The following DNAH3 variants were observed in gnomAD, a reference collection of about 807,000 sequenced individuals.
DNAH3 encodes axonemal beta dynein heavy chain 3.
DNAH3 carries 332 observed loss-of-function variants against 432.5 expected under a neutral mutation model. The observed-to-expected ratio is 0.77, with a 90% CI of 0.70 to 0.84. The LOEUF (loss-of-function observed/expected upper bound fraction) is 0.84. DNAH3 is among the 40% of genes least tolerant of loss of function. The pLI, the probability that DNAH3 is intolerant of heterozygous loss-of-function variation, is 0.00. For missense variants in DNAH3, 4,861 were observed against 5,114.0 expected (o/e 0.95, Z 1.51); for synonymous variants, 1,956 against 1,900.2 (o/e 1.03, Z -0.76).
chr16:21,090,247 A>G (rs1417509956), intron 18 of DNAH3, among the ~76,000 whole-genome samples: 1 of 152,020 alleles, frequency 6.6e-6, no homozygotes, highest in East Asian at 1.9e-4. Context: ...TCTGCCAAAC[A>G]TTAGAAGAAG....
chr16:20,952,679 G>A (rs1241963907), intron 55 of DNAH3, 130 bp from the exon 56 acceptor site: 11 of 637,744 alleles, frequency 1.7e-5, no homozygotes, highest in South Asian at 3.4e-5. Flanking sequence ...ATCAAGCACC[G>A]AGGCCAACTA....
chr16:21,074,551 T>C (rs1440021466), intron 21 of DNAH3, among the ~76,000 whole-genome samples: 3 of 151,898 alleles, frequency 2.0e-5, no homozygotes, highest in Non-Finnish European at 4.4e-5. Context: ...CCATCTCTAC[T>C]GAAAATATAA....
chr16:20,944,638 A>T, exon 58 of DNAH3: 1 of 1,613,960 alleles, frequency 6.2e-7, no homozygotes. Flanking sequence ...TGTGATGGGG[A>T]GATTCCTGAG....
intron 27 of DNAH3, among the ~76,000 whole-genome samples, chr16:21,055,057 C>T (rs577209771): frequency 4.8e-5 from 7 of 147,106 alleles, no homozygotes; most frequent in African/African-American, 1.5e-4. Context: ...GCTATAAAAA[C>T]AAAATGCAAC....
In DNAH3 at chr16:20,989,039, G is replaced by A. The variant is rs111611529; in HGVS notation, c.6602-974C>T. Among the ~76,000 whole-genome samples, 922 of 152,320 alleles carry A rather than the reference G, an allele frequency of 6.1e-3. 10 individuals carry two copies. Among genetic ancestry groups the A allele is most frequent in the African/African-American group, 0.021 (871 of 41,566 alleles). Reference sequence around the variant, plus strand: ...TAAAAGCAGTGTGGACCCACAGAGTGAGCACCAGTAAGATTTACTGCAAAG... The same window carrying A: ...TAAAAGCAGTGTGGACCCACAGAGTAAGCACCAGTAAGATTTACTGCAAAG... On this transcript the variant is annotated intron_variant, in intron 44 of 61. Transcript: ENST00000261383.
At chr16:21,081,809 CT>C in intron 19 of DNAH3, 82 bp from the exon 20 acceptor site, 1 of 1,183,012 alleles carries the variant, frequency 8.5e-7, no homozygotes, top group Non-Finnish European at 1.2e-6. Flanking sequence ...TGGAGATGTT[CT>C]TTTTATCTGC....
At chr16:21,031,471 T>C (rs776938415) in intron 36 of DNAH3, among the ~76,000 whole-genome samples, 185 bp from the exon 37 acceptor site, 5 of 152,008 alleles carry the variant, frequency 3.3e-5, no homozygotes, top group Non-Finnish European at 7.4e-5. Context: ...CTGTAGTAGC[T>C]CACACCCATA....
chr16:21,151,063 T>A (rs543561214), intron 1 of DNAH3, among the ~76,000 whole-genome samples: 1 of 152,232 alleles, frequency 6.6e-6, no homozygotes, highest in Admixed American at 6.5e-5. Flanking sequence ...TTTGGAGACG[T>A]CGAAAAGCAC....
exon 37 of DNAH3, chr16:21,031,124 C>G (rs141137569): frequency 2.5e-6 from 4 of 1,614,080 alleles, no homozygotes; most frequent in African/African-American, 1.3e-5. Flanking sequence ...AATCCACTTG[C>G]GATCATCAGA....
intron 19 of DNAH3, among the ~76,000 whole-genome samples, chr16:21,082,601 G>A (rs956015126): frequency 1.3e-5 from 2 of 151,928 alleles, no homozygotes; most frequent in African/African-American, 2.4e-5. Flanking sequence ...AGGCTGAGGC[G>A]GGCGGATCAC....
intron 12 of DNAH3, 54 bp downstream of exon 12, chr16:21,117,149 C>T: frequency 1.6e-6 from 2 of 1,264,162 alleles, no homozygotes; most frequent in Non-Finnish European, 2.3e-6. Flanking sequence ...GAGTTAAGAA[C>T]ACCAAATCAA....
intron 61 of DNAH3, among the ~76,000 whole-genome samples, chr16:20,934,149 G>C (rs2083505419): frequency 6.6e-6 from 1 of 152,104 alleles, no homozygotes; most frequent in African/African-American, 2.4e-5. Flanking sequence ...GAACCAGAGA[G>C]CACAAACTCC....
chr16:21,153,723 G>A (rs1421900652), intron 1 of DNAH3, among the ~76,000 whole-genome samples: 1 of 152,028 alleles, frequency 6.6e-6, no homozygotes, highest in South Asian at 2.1e-4. Flanking sequence ...AGCATCAGAA[G>A]GAACAAACTC....
At chr16:20,975,591 A>G (rs2085551091) in intron 50 of DNAH3, among the ~76,000 whole-genome samples, 176 bp from the exon 51 acceptor site, 1 of 152,230 alleles carries the variant, frequency 6.6e-6, no homozygotes, top group African/African-American at 2.4e-5. Flanking sequence ...TTTTCAACAC[A>G]GTTATTGAGT....
chr16:21,065,167 A>G (rs746092941), intron 24 of DNAH3, among the ~76,000 whole-genome samples: 1 of 152,020 alleles, frequency 6.6e-6, no homozygotes, highest in Non-Finnish European at 1.5e-5. Flanking sequence ...GCTATTATTC[A>G]TATTTTTTTT....
chr16:21,125,039 C>G (rs777223599), intron 9 of DNAH3, 136 bp downstream of exon 10: 1 of 616,800 alleles, frequency 1.6e-6, no homozygotes, highest in Non-Finnish European at 2.7e-6. Flanking sequence ...CTAACAACTG[C>G]CTGATGTGGG....
At chr16:21,132,870 G>T (rs1195261888) in intron 7 of DNAH3, among the ~76,000 whole-genome samples, 3 of 151,502 alleles carry the variant, frequency 2.0e-5, no homozygotes, top group Non-Finnish European at 2.9e-5. Context: ...CTTTCAAAGG[G>T]TGAATTTTAT....
chr16:21,116,177 T>C lies in DNAH3; in HGVS notation c.1814+1026A>G, dbSNP rs184176949. On this transcript the variant is annotated intron_variant, in intron 12 of 61. Transcript: ENST00000261383. ...GTCCCATGGTAATTGTTAACAACAC[T>C]CTTTTCACTCGTAAATTGTCTCACT... Among the ~76,000 whole-genome samples the C allele has an allele frequency of 2.2e-3, 338 of 152,274 alleles. 3 individuals carry two copies. Among genetic ancestry groups the C allele is most frequent in the African/African-American group, 8.0e-3 (333 of 41,544 alleles).
intron 21 of DNAH3, among the ~76,000 whole-genome samples, chr16:21,073,335 C>T (rs1597313201): frequency 1.3e-5 from 2 of 152,200 alleles, no homozygotes; most frequent in South Asian, 4.1e-4. Flanking sequence ...GTGAGCTGTT[C>T]CCCAGGTCTC....
Sources: gnomAD v4.1 joint callset for allele counts (sites outside exome capture counted in the v4.1 genomes callset) on GRCh38, gnomAD v4.1.1 for gene constraint, MANE v1.5 for transcripts, NCBI Gene and HGNC (gene_info 2026-07-23, HGNC 2026-07-21) for gene names.